The following CSMD3 variants were observed in gnomAD, a reference collection of about 807,000 sequenced individuals.
CSMD3 encodes CUB and Sushi multiple domains 3.
Under a neutral mutation model 435.2 loss-of-function variants are expected in CSMD3, and 177 were observed. The observed-to-expected ratio is 0.41, with a 90% CI of 0.36 to 0.46. The LOEUF is 0.46. Ranked by LOEUF, CSMD3 falls within the 20% of genes least tolerant of loss-of-function variation. The pLI, the probability that CSMD3 is intolerant of heterozygous loss-of-function variation, is 0.34. For synonymous variants in CSMD3, 1,656 were observed against 1,520.5 expected (o/e 1.09, Z -2.07); for missense variants, 4,265 against 4,504.6 (o/e 0.95, Z 1.52).
At chr8:112,965,125 G>A (rs184467167) in intron 7 of CSMD3, among the ~76,000 whole-genome samples, 1 of 152,086 alleles carries the variant, frequency 6.6e-6, no homozygotes, top group Admixed American at 6.6e-5. Context: ...AAAGGCAGAG[G>A]AGTCTGCTTT....
At chr8:112,525,030 A>G (rs1369682814) in intron 27 of CSMD3, among the ~76,000 whole-genome samples, 1 of 151,854 alleles carries the variant, frequency 6.6e-6, no homozygotes, top group Non-Finnish European at 1.5e-5. Context: ...CTCGACTGAT[A>G]TCATCATAAG....
At chr8:112,559,953 CT>C (rs1306404412) in intron 24 of CSMD3, among the ~76,000 whole-genome samples, 1 of 151,500 alleles carries the variant, frequency 6.6e-6, no homozygotes. Context: ...AGAAAAAAAA[CT>C]TTTACTTGTG....
At chr8:112,259,116 T>C (rs1480060824) in intron 61 of CSMD3, among the ~76,000 whole-genome samples, 4 of 151,922 alleles carry the variant, frequency 2.6e-5, no homozygotes, top group Non-Finnish European at 5.9e-5. Context: ...GGATTATAAA[T>C]CATTCTACTA....
chr8:112,950,814 C>T (rs570608446), intron 8 of CSMD3, among the ~76,000 whole-genome samples: 4 of 152,028 alleles, frequency 2.6e-5, no homozygotes, highest in African/African-American at 4.8e-5. Flanking sequence ...TCAGAAAGCT[C>T]GGCAAGGCAG....
intron 35 of CSMD3, among the ~76,000 whole-genome samples, chr8:112,405,214 C>CATATATATAT (rs71309768): frequency 0.014 from 264 of 18,972 alleles, 6 homozygotes; most frequent in Non-Finnish European, 0.017. Flanking sequence ...AAAAAACCCC[C>CATATATATAT]ATATATATAT....
intron 30 of CSMD3, among the ~76,000 whole-genome samples, chr8:112,501,284 A>G (rs1201418763): frequency 5.3e-5 from 8 of 151,958 alleles, no homozygotes; most frequent in Admixed American, 2.0e-4. Flanking sequence ...ACTCGGGACC[A>G]TAGTTAAAAC....
intron 27 of CSMD3, among the ~76,000 whole-genome samples, chr8:112,525,079 G>T (rs866583516): frequency 2.0e-5 from 3 of 151,648 alleles, no homozygotes; most frequent in South Asian, 2.1e-4. Context: ...CTCTTTGTAA[G>T]TGTTAGCTAC....
At chr8:112,633,640 C>A (rs62516515) in intron 22 of CSMD3, among the ~76,000 whole-genome samples, 4,874 of 151,966 alleles carry the variant, frequency 0.032, 132 homozygotes, top group Non-Finnish European at 0.052. Flanking sequence ...TTTATTTATT[C>A]CTCATTCAAC....
At chr8:113,011,870 G>T (rs978843012) in intron 6 of CSMD3, among the ~76,000 whole-genome samples, 10 of 151,680 alleles carry the variant, frequency 6.6e-5, no homozygotes, top group Middle Eastern at 3.6e-3. Context: ...GATTATTTTT[G>T]CTGTTTCTGT....
At chr8:112,957,793 T>C (rs1205746143) in intron 7 of CSMD3, among the ~76,000 whole-genome samples, 1 of 152,188 alleles carries the variant, frequency 6.6e-6, no homozygotes, top group Non-Finnish European at 1.5e-5. Flanking sequence ...TCGCCCAGGC[T>C]GGAGAGCAGT....
intron 2 of CSMD3, chr8:113,313,013 AT>A (rs1318389962): frequency 7.9e-5 from 12 of 152,236 alleles, no homozygotes; most frequent in African/African-American, 2.9e-4. Flanking sequence ...AGTTTGTGAA[AT>A]AACTCAGGCA....
chr8:112,986,613 T>C (rs1009980276), intron 6 of CSMD3, among the ~76,000 whole-genome samples: 2 of 152,122 alleles, frequency 1.3e-5, no homozygotes, highest in Non-Finnish European at 2.9e-5. Context: ...TAAAAATACA[T>C]GTTCTATACT....
At chr8:113,249,003 C>A (rs575217637) in intron 3 of CSMD3, among the ~76,000 whole-genome samples, 1 of 151,964 alleles carries the variant, frequency 6.6e-6, no homozygotes, top group Non-Finnish European at 1.5e-5. Context: ...TAATAATCCC[C>A]ACGTGTCAAG....
intron 1 of CSMD3, among the ~76,000 whole-genome samples, chr8:113,334,555 T>C: frequency 6.6e-6 from 1 of 152,022 alleles, no homozygotes. Flanking sequence ...TGGATTTATA[T>C]GGTTTTGATA....
intron 6 of CSMD3, among the ~76,000 whole-genome samples, chr8:113,005,127 G>C (rs2086008904): frequency 6.6e-6 from 1 of 151,768 alleles, no homozygotes; most frequent in African/African-American, 2.4e-5. Flanking sequence ...GGGAGAGAGA[G>C]AGGATGACTA....
chr8:112,377,876 C>A (rs2131219560), intron 38 of CSMD3, among the ~76,000 whole-genome samples: 1 of 151,988 alleles, frequency 6.6e-6, no homozygotes, highest in South Asian at 2.1e-4. Flanking sequence ...ATATGAAAAG[C>A]CCATAACTAA....
intron 5 of CSMD3, among the ~76,000 whole-genome samples, chr8:113,093,236 G>A (rs2090061323): frequency 6.6e-6 from 1 of 151,986 alleles, no homozygotes; most frequent in Non-Finnish European, 1.5e-5. Context: ...GATTGTTGAA[G>A]TCACAGGAAA....
chr8:113,078,729 T>C (rs999657447), intron 5 of CSMD3, among the ~76,000 whole-genome samples: 12 of 152,168 alleles, frequency 7.9e-5, no homozygotes, highest in African/African-American at 2.9e-4. Flanking sequence ...TTTGAAAATA[T>C]TGCCAGTTAC....
chr8:112,987,074 A>G lies in CSMD3; in HGVS notation c.1031-10926T>C, dbSNP rs147587600. The stretch of plus-strand genomic sequence containing the variant: ...ATCTCTGAACTCTGAAAAGGCATTT[A>G]AAGTAAGAGTGTTCTATTTTATCAA... On this transcript the variant is annotated intron_variant, in intron 6 of 70. Transcript: ENST00000297405. Among the ~76,000 whole-genome samples the G allele has an allele frequency of 6.6e-3, 1,006 of 152,152 alleles. 11 individuals are homozygous for G. The highest frequency in any genetic ancestry group is 0.023 in the African/African-American group (965 of 41,572).
Sources: allele counts gnomAD v4.1 joint callset (sites outside exome capture counted in the v4.1 genomes callset), GRCh38; gene constraint gnomAD v4.1.1; transcripts MANE v1.5; gene names NCBI Gene and HGNC (gene_info 2026-07-23, HGNC 2026-07-21).